ANGPT1: variants seen among roughly 807,000 people sequenced by gnomAD.
ANGPT1 encodes the protein angiopoietin-1.
A neutral mutation model predicts 62.2 loss-of-function variants in ANGPT1; 17 were observed. The observed-to-expected ratio is 0.27, with a 90% CI of 0.19 to 0.41. ANGPT1 has a LOEUF of 0.41. ANGPT1 is among the 10% of genes least tolerant of loss of function. ANGPT1 has a pLI of 1.00. For synonymous variants in ANGPT1, 199 were observed against 198.9 expected (o/e 1.00, Z 0.00); for missense variants, 478 against 594.9 (o/e 0.80, Z 2.04).
chr8:107,279,527 C>T (rs948646529), intron 7 of ANGPT1, among the ~76,000 whole-genome samples: 19 of 152,082 alleles, frequency 1.2e-4, no homozygotes, highest in Admixed American at 4.6e-4. Flanking sequence ...AATTTCAAAT[C>T]GGACTCCTAC....
intron 1 of ANGPT1, among the ~76,000 whole-genome samples, chr8:107,445,800 C>T (rs1342764129): frequency 1.3e-5 from 2 of 152,082 alleles, no homozygotes; most frequent in South Asian, 2.1e-4. Flanking sequence ...AAATAAATTA[C>T]AAGCCACAGA....
chr8:107,442,355 T>C (rs1228564874), intron 1 of ANGPT1, among the ~76,000 whole-genome samples: 1 of 152,062 alleles, frequency 6.6e-6, no homozygotes, highest in Non-Finnish European at 1.5e-5. Context: ...GTGTAGGTCA[T>C]GTTGCACTCA....
chr8:107,430,548 T>C (rs1261882341), intron 1 of ANGPT1, among the ~76,000 whole-genome samples: 1 of 152,224 alleles, frequency 6.6e-6, no homozygotes, highest in Non-Finnish European at 1.5e-5. Context: ...TTGGAACTTG[T>C]GACTATGTTA....
intron 1 of ANGPT1, among the ~76,000 whole-genome samples, chr8:107,432,559 G>A (rs926518831): frequency 1.3e-5 from 2 of 151,840 alleles, no homozygotes; most frequent in Non-Finnish European, 1.5e-5. Context: ...AGCTACTCGG[G>A]AGGCTGAGGC....
At chr8:107,271,815 C>A (rs2130072278) in intron 7 of ANGPT1, among the ~76,000 whole-genome samples, 1 of 150,876 alleles carries the variant, frequency 6.6e-6, no homozygotes, top group African/African-American at 2.4e-5. Flanking sequence ...GAGAACCCTA[C>A]AATTTTCTTG....
At chr8:107,333,431 C>T (rs1276580296) in intron 3 of ANGPT1, among the ~76,000 whole-genome samples, 1 of 152,038 alleles carries the variant, frequency 6.6e-6, no homozygotes, top group Non-Finnish European at 1.5e-5. Context: ...TGTGTGAGCA[C>T]AGAAATGAAT....
chr8:107,404,278 A>G (rs943366912), intron 1 of ANGPT1, among the ~76,000 whole-genome samples: 1 of 152,150 alleles, frequency 6.6e-6, no homozygotes, highest in South Asian at 2.1e-4. Flanking sequence ...TATGGTATAC[A>G]TAAATACTTC....
At chr8:107,385,724 T>C (rs567629282) in intron 1 of ANGPT1, among the ~76,000 whole-genome samples, 3 of 152,244 alleles carry the variant, frequency 2.0e-5, no homozygotes, top group Admixed American at 1.3e-4. Flanking sequence ...TCATGGGGAA[T>C]GCTTCCAGCT....
At chr8:107,398,498 C>CTTTTTT (rs1400193146) in intron 1 of ANGPT1, among the ~76,000 whole-genome samples, 1 of 88,988 alleles carries the variant, frequency 1.1e-5, no homozygotes. Context: ...TTTTTCTTTT[C>CTTTTTT]TATTTTTTTT....
At chr8:107,271,868 T>C (rs535402417) in intron 7 of ANGPT1, among the ~76,000 whole-genome samples, 2 of 151,464 alleles carry the variant, frequency 1.3e-5, no homozygotes, top group African/African-American at 2.4e-5. Flanking sequence ...TATATATTTG[T>C]TTGGTTTTCC....
At chr8:107,365,878 C>CAA (rs1816262616) in intron 1 of ANGPT1, among the ~76,000 whole-genome samples, 1 of 149,674 alleles carries the variant, frequency 6.7e-6, no homozygotes, top group Admixed American at 6.6e-5. Context: ...CACACACACA[C>CAA]ACACACACAC....
chr8:107,308,536 G>A (rs946194628), intron 4 of ANGPT1, among the ~76,000 whole-genome samples: 3 of 152,062 alleles, frequency 2.0e-5, no homozygotes, highest in Non-Finnish European at 4.4e-5. Context: ...AGCACATTGG[G>A]AACATGCAAG....
intron 3 of ANGPT1, among the ~76,000 whole-genome samples, chr8:107,322,894 T>C (rs1467978416): frequency 6.6e-6 from 1 of 152,162 alleles, no homozygotes; most frequent in East Asian, 1.9e-4. Context: ...CTATCTAAAG[T>C]CACAATGAAT....
At chr8:107,303,398 G>A in intron 4 of ANGPT1, 31 bp from the exon 5 acceptor site, 2 of 1,536,448 alleles carry the variant, frequency 1.3e-6, no homozygotes, top group East Asian at 4.5e-5. Context: ...ATTGCAATAT[G>A]TGAATATCAG....
At chr8:107,339,825 C>T (rs1426163312) in intron 2 of ANGPT1, among the ~76,000 whole-genome samples, 1 of 151,996 alleles carries the variant, frequency 6.6e-6, no homozygotes, top group East Asian at 1.9e-4. Flanking sequence ...GTAACAGGGC[C>T]GACATGAATA....
intron 1 of ANGPT1, among the ~76,000 whole-genome samples, chr8:107,352,559 T>C (rs1389819602): frequency 6.6e-6 from 1 of 152,154 alleles, no homozygotes; most frequent in Non-Finnish European, 1.5e-5. Flanking sequence ...CTGTGTGAGA[T>C]TATGACATGT....
At chr8:107,412,407 A>G (rs769382278) in intron 1 of ANGPT1, among the ~76,000 whole-genome samples, 1 of 152,160 alleles carries the variant, frequency 6.6e-6, no homozygotes, top group Non-Finnish European at 1.5e-5. Context: ...TTAGAAATAA[A>G]TAAAGGGATA....
intron 1 of ANGPT1, among the ~76,000 whole-genome samples, chr8:107,425,284 C>G (rs1470266449): frequency 6.6e-6 from 1 of 152,172 alleles, no homozygotes; most frequent in Admixed American, 6.5e-5. Context: ...AATATGGTGA[C>G]CATACGCTAC....
intron 1 of ANGPT1, among the ~76,000 whole-genome samples, chr8:107,478,147 T>C (rs1263992564): frequency 6.6e-6 from 1 of 150,442 alleles, no homozygotes; most frequent in African/African-American, 2.4e-5. Context: ...TTTTGAAAAA[T>C]AATGAAAATT....
Sources: allele counts gnomAD v4.1 joint callset (sites outside exome capture counted in the v4.1 genomes callset), GRCh38; gene constraint gnomAD v4.1.1; transcripts MANE v1.5; gene names NCBI Gene and HGNC (gene_info 2026-07-23, HGNC 2026-07-21).